Variants in OTOGL observed in about 807,000 individuals in gnomAD.
The protein encoded by OTOGL is otogelin like.
In OTOGL, 285 loss-of-function variants were observed where a neutral mutation model predicts 318.5. The ratio of observed to expected loss-of-function variants is 0.89; its 90% confidence interval spans 0.81 to 0.99. The LOEUF (loss-of-function observed/expected upper bound fraction) is 0.99. Among genes scored for constraint, OTOGL ranks in the 50% least tolerant of loss-of-function variants. OTOGL has a pLI of 0.00. For missense variants in OTOGL, 2,899 were observed against 2,845.6 expected (o/e 1.02, Z -0.43); for synonymous variants, 987 against 936.5 (o/e 1.05, Z -0.99).
chr12:80,363,393 G>C (rs1749378465), intron 52 of OTOGL, among the ~76,000 whole-genome samples: 1 of 152,252 alleles, frequency 6.6e-6, no homozygotes, highest in Admixed American at 6.6e-5. Context: ...TAAAACATTA[G>C]AGGGCAGGAG....
intron 1 of OTOGL, among the ~76,000 whole-genome samples, chr12:80,127,864 T>C (rs1870957120): frequency 6.6e-6 from 1 of 152,214 alleles, no homozygotes. Flanking sequence ...CATCACGTAG[T>C]TCTCGTGCCA....
intron 1 of OTOGL, among the ~76,000 whole-genome samples, chr12:80,206,307 A>G (rs973403463): frequency 1.3e-5 from 2 of 152,168 alleles, no homozygotes; most frequent in Admixed American, 6.5e-5. Flanking sequence ...CTACCATTTC[A>G]TATATCGAGT....
chr12:80,274,166 T>A (rs1178899737), intron 24 of OTOGL, among the ~76,000 whole-genome samples: 1 of 152,016 alleles, frequency 6.6e-6, no homozygotes, highest in African/African-American at 2.4e-5. Context: ...ATGATTAGAT[T>A]TAGTGAGGAA....
intron 8 of OTOGL, among the ~76,000 whole-genome samples, chr12:80,231,870 C>G (rs1008916606): frequency 6.6e-6 from 1 of 151,480 alleles, no homozygotes; most frequent in South Asian, 2.1e-4. Context: ...AACTCCTGAC[C>G]TTGTGATCCA....
intron 35 of OTOGL, among the ~76,000 whole-genome samples, chr12:80,327,196 A>G (rs1887727914): frequency 6.6e-6 from 1 of 152,060 alleles, no homozygotes; most frequent in Non-Finnish European, 1.5e-5. Flanking sequence ...AGAAAAATGT[A>G]CTCTCAGTCA....
chr12:80,329,554 A>G (rs1488710679), intron 37 of OTOGL, among the ~76,000 whole-genome samples: 1 of 152,176 alleles, frequency 6.6e-6, no homozygotes, highest in African/African-American at 2.4e-5. Flanking sequence ...AACAGACATA[A>G]ATCAGGGTTT....
intron 52 of OTOGL, 63 bp from the exon 53 acceptor site, chr12:80,366,511 T>TTATGTATATATATA (rs1890544263): frequency 5.8e-6 from 1 of 171,304 alleles, no homozygotes; most frequent in Non-Finnish European, 1.1e-5. Context: ...TATATATAGG[T>TTATGTATATATATA]TATATATATA....
At chr12:80,352,537 A>T in intron 45 of OTOGL, 101 bp downstream of exon 45, 2 of 1,034,962 alleles carry the variant, frequency 1.9e-6, no homozygotes, top group Admixed American at 3.4e-5. Flanking sequence ...CTAATTTAGT[A>T]AGCATAAAAT....
At chr12:80,170,231 GTA>G (rs142588935) in intron 1 of OTOGL, among the ~76,000 whole-genome samples, 6,285 of 143,364 alleles carry the variant, frequency 0.044, 389 homozygotes, top group African/African-American at 0.17. Flanking sequence ...GTGTGTGTGT[GTA>G]TGTATGTATG....
intron 11 of OTOGL, among the ~76,000 whole-genome samples, chr12:80,244,644 T>G (rs1435929427): frequency 6.7e-6 from 1 of 150,026 alleles, no homozygotes; most frequent in East Asian, 1.9e-4. Context: ...TGTGCATGTG[T>G]CTTTATAGCA....
rs2137449295 is a variant in OTOGL, at chr12:80,242,996, T to C, written c.1052+3557T>C. On this transcript the variant is annotated intron_variant, in intron 11 of 58. Coordinates refer to ENST00000547103, the MANE Select transcript of OTOGL (RefSeq NM_001378609.3). ...CAAGGAAATGATTTTAATTTTGCGATGCCAAAGCCAATTGATGTGAAAACC... is the reference window on the plus strand; with the variant it reads ...CAAGGAAATGATTTTAATTTTGCGACGCCAAAGCCAATTGATGTGAAAACC... Among the ~76,000 whole-genome samples, 2 of 152,138 alleles carry C rather than the reference T, an allele frequency of 1.3e-5. 1 individual carries two copies. Among genetic ancestry groups the C allele is most frequent in the South Asian group, 4.1e-4 (2 of 4,824 alleles).
At chr12:80,246,001 T>C (rs1880842636) in intron 11 of OTOGL, among the ~76,000 whole-genome samples, 1 of 146,594 alleles carries the variant, frequency 6.8e-6, no homozygotes, top group South Asian at 2.2e-4. Context: ...GTGATTTTTG[T>C]ACATTGATTT....
chr12:80,186,192 C>T (rs1875276434), intron 1 of OTOGL, among the ~76,000 whole-genome samples: 1 of 152,204 alleles, frequency 6.6e-6, no homozygotes, highest in Admixed American at 6.5e-5. Context: ...TGCTTCAAAA[C>T]AGTTGTTTTT....
At chr12:80,188,085 G>A (rs566858906) in intron 1 of OTOGL, among the ~76,000 whole-genome samples, 1 of 152,230 alleles carries the variant, frequency 6.6e-6, no homozygotes, top group African/African-American at 2.4e-5. Flanking sequence ...CTTTTTAATT[G>A]TCAATGATGT....
At chr12:80,221,457 C>T (rs773200403) in intron 6 of OTOGL, among the ~76,000 whole-genome samples, 11 of 151,742 alleles carry the variant, frequency 7.2e-5, no homozygotes, top group Non-Finnish European at 1.2e-4. Flanking sequence ...TTAGTAGAGA[C>T]GGAGTTTCAC....
At chr12:80,170,135 A>G (rs56340903) in intron 1 of OTOGL, among the ~76,000 whole-genome samples, 11,523 of 151,732 alleles carry the variant, frequency 0.076, 479 homozygotes, top group Middle Eastern at 0.16. Flanking sequence ...ATGTATGGGT[A>G]TTCCAGTTGC....
chr12:80,138,623 G>T (rs189114186), intron 1 of OTOGL, among the ~76,000 whole-genome samples: 67 of 152,192 alleles, frequency 4.4e-4, no homozygotes, highest in Admixed American at 1.6e-3. Context: ...GTGGTCAAAT[G>T]ATTCCAACAC....
chr12:80,363,498 T>C (rs1890352024), intron 52 of OTOGL, among the ~76,000 whole-genome samples: 1 of 151,844 alleles, frequency 6.6e-6, no homozygotes, highest in Non-Finnish European at 1.5e-5. Context: ...AAGACTGGCC[T>C]TTTGTAACAA....
intron 8 of OTOGL, among the ~76,000 whole-genome samples, chr12:80,231,812 T>C (rs1304910690): frequency 6.6e-6 from 1 of 151,726 alleles, no homozygotes; most frequent in Admixed American, 6.6e-5. Context: ...TTTTTTTTTT[T>C]TTTTGAAGTA....
Sources: gnomAD v4.1 joint callset for allele counts (sites outside exome capture counted in the v4.1 genomes callset) on GRCh38, gnomAD v4.1.1 for gene constraint, MANE v1.5 for transcripts, NCBI Gene and HGNC (gene_info 2026-07-23, HGNC 2026-07-21) for gene names.